SDK2: variants seen among roughly 807,000 people sequenced by gnomAD.
The protein encoded by SDK2 is sidekick cell adhesion molecule 2.
Under a neutral mutation model 253.9 loss-of-function variants are expected in SDK2, and 105 were observed. The observed-to-expected ratio is 0.41, with a 90% CI of 0.35 to 0.49. The LOEUF is 0.49. Ranked by LOEUF, SDK2 falls within the 20% of genes least tolerant of loss-of-function variation. SDK2 has a pLI of 0.06. For missense variants in SDK2, 2,608 were observed against 3,003.0 expected (o/e 0.87, Z 3.07); for synonymous variants, 1,249 against 1,234.9 (o/e 1.01, Z -0.24).
At chr17:73,555,119 A>G (rs1277829877) in intron 1 of SDK2, among the ~76,000 whole-genome samples, 2 of 152,246 alleles carry the variant, frequency 1.3e-5, no homozygotes, top group African/African-American at 4.8e-5. Flanking sequence ...GTCTAGCTGC[A>G]TATGCAGCCC....
Position 73,590,894 on chromosome 17 carries a change from G to A in SDK2, c.64+53131C>T, listed in dbSNP as rs182052598. ...AGGCGGACATCTTATCCAGCTAGCT[G>A]TCATTGAACTATTTATTTGTTTATG... is the stretch of plus-strand genomic sequence containing the variant. On this transcript the variant is annotated intron_variant, in intron 1 of 44. Transcript: ENST00000392650. Among the ~76,000 whole-genome samples, 12 of 152,272 alleles carry A rather than the reference G, an allele frequency of 7.9e-5. 1 individual carries two copies. Among genetic ancestry groups the A allele is most frequent in the African/African-American group, 2.4e-4 (10 of 41,548 alleles).
At chr17:73,401,779 C>G (rs1386335901) in intron 19 of SDK2, 27 bp from the exon 20 acceptor site, 3 of 1,549,456 alleles carry the variant, frequency 1.9e-6, no homozygotes, top group Non-Finnish European at 2.6e-6. Context: ...ACCCCCACCC[C>G]CCAAGGCCAG....
rs552767215 is a variant in SDK2, at chr17:73,344,836, C to T, written c.6165+3763G>A. Among the ~76,000 whole-genome samples, 17 of 152,284 alleles carry T rather than the reference C, an allele frequency of 1.1e-4. No homozygotes were observed. In the South Asian group the frequency reaches 2.5e-3, roughly 22 times the overall value. ...TCAGAGCCGTTCAGTAGAATGGTGACGGCAGAACATAACCCTGCTCCAGCC... is the reference window on the plus strand; with the variant it reads ...TCAGAGCCGTTCAGTAGAATGGTGATGGCAGAACATAACCCTGCTCCAGCC... On this transcript the variant is annotated intron_variant, in intron 44 of 44. Coordinates refer to ENST00000392650, the MANE Select transcript of SDK2 (RefSeq NM_001144952.2).
rs551170236 is a variant in SDK2, at chr17:73,490,062, C to T, written c.224+17376G>A. Among the ~76,000 whole-genome samples the T allele has an allele frequency of 5.9e-5, 9 of 152,230 alleles. No individual in the cohort carries two copies. In the South Asian group the frequency reaches 1.0e-3, roughly 18 times the overall value. On this transcript the variant is annotated intron_variant, in intron 2 of 44. Transcript: ENST00000392650. ...CAGCAGACTTCTTACACCACCACCC[C>T]GGGCCTTCCTCCACGACTGAGCACC...
chr17:73,368,304 G>T, intron 37 of SDK2, 103 bp downstream of exon 37: 1 of 1,089,186 alleles, frequency 9.2e-7, no homozygotes, highest in Non-Finnish European at 1.2e-6. Context: ...GGCGGATAAG[G>T]CAGCTGCCCC....
At position 73,393,540 on chromosome 17, in the gene SDK2, T is replaced by C. The variant is rs753403022; in HGVS notation, c.3898+20A>G. On this transcript the variant is annotated intron_variant, in intron 27 of 44. Coordinates refer to ENST00000392650, the MANE Select transcript of SDK2 (RefSeq NM_001144952.2). ...CGGCTCCTCCCAGCCTTCCCCAAGC[T>C]TGCTGGGATACGGACTCACCATCAT... 1 of 1,510,644 alleles carries C rather than the reference T, an allele frequency of 6.6e-7. No homozygotes were observed. 93.6% of individuals were successfully genotyped at this position (1,510,644 alleles called of 1,614,324 possible).
intron 1 of SDK2, among the ~76,000 whole-genome samples, chr17:73,540,080 CA>C: frequency 1.3e-5 from 2 of 151,782 alleles, no homozygotes; most frequent in South Asian, 4.2e-4. Context: ...CGGGGTCATG[CA>C]GCTGTGAGCC....
At chr17:73,453,341 T>C (rs923370015) in intron 4 of SDK2, among the ~76,000 whole-genome samples, 9 of 151,436 alleles carry the variant, frequency 5.9e-5, no homozygotes, top group Admixed American at 2.6e-4. Context: ...GAAAAAGAAA[T>C]GTGTATTGCT....
At chr17:73,548,702 C>T (rs546200872) in intron 1 of SDK2, among the ~76,000 whole-genome samples, 1 of 152,230 alleles carries the variant, frequency 6.6e-6, no homozygotes, top group African/African-American at 2.4e-5. Context: ...AGGAAATGAC[C>T]TTGGGCACTG....
intron 1 of SDK2, among the ~76,000 whole-genome samples, chr17:73,597,345 C>A (rs1449527329): frequency 6.6e-6 from 1 of 152,110 alleles, no homozygotes; most frequent in African/African-American, 2.4e-5. Flanking sequence ...AAGTCTCAGC[C>A]CTGCCAGGTA....
At chr17:73,487,568 C>T (rs1599612757) in intron 2 of SDK2, among the ~76,000 whole-genome samples, 2 of 152,220 alleles carry the variant, frequency 1.3e-5, no homozygotes, top group Admixed American at 6.5e-5. Flanking sequence ...GCCACAGGAG[C>T]GTCACCTGGG....
intron 18 of SDK2, among the ~76,000 whole-genome samples, chr17:73,409,412 C>T (rs9907066): frequency 0.33 from 49,927 of 151,452 alleles, 9,238 homozygotes; most frequent in East Asian, 0.69. Context: ...GCCCAGGAGG[C>T]GGAGGTTGCA....
chr17:73,395,136 G>C lies in SDK2; in HGVS notation c.3592+19C>G. 1 of 1,556,888 alleles carries C rather than the reference G, an allele frequency of 6.4e-7. No homozygotes were observed. The highest frequency in any genetic ancestry group is 2.0e-4 in the Middle Eastern group (1 of 5,022). The stretch of plus-strand genomic sequence containing the variant: ...GGAGGGGACAGGCAGCAGGGTGGCT[G>C]GGTGTGAGGGGTTGGTACCTGACTC... On this transcript the variant is annotated intron_variant, in intron 25 of 44. Coordinates refer to ENST00000392650, the MANE Select transcript of SDK2 (RefSeq NM_001144952.2). The surrounding 1 kb of genome is among the most constrained non-coding windows in gnomAD (Gnocchi z 4.3).
At position 73,352,527 on chromosome 17, in the gene SDK2, C is replaced by T. The variant is rs2062548039; in HGVS notation, c.5704G>A (p.Ala1902Thr). The T allele has an allele frequency of 6.2e-7, 1 of 1,613,972 alleles. No homozygotes were observed. ...PGVSYDFRVI[A>T]VNDYGFGTPS... is the part of the protein sequence containing the mutation. ...GTGCCGAAACCATAGTCGTTGACCGCGATGACCCGGAAGTCATAGCTCACG... is the reference window on the plus strand; with the variant it reads ...GTGCCGAAACCATAGTCGTTGACCGTGATGACCCGGAAGTCATAGCTCACG... The change falls in exon 41 of 45, where the codon GCG (alanine) becomes ACG (threonine). Residue 1902 changes from alanine to threonine, a missense_variant. Coordinates refer to ENST00000392650, the MANE Select transcript of SDK2 (RefSeq NM_001144952.2). This position sits in a 1 kb window ranked among gnomAD's most constrained non-coding sequence, Gnocchi z 4.1.
chr17:73,367,877 C>T (rs1179124065), intron 37 of SDK2, among the ~76,000 whole-genome samples: 2 of 152,170 alleles, frequency 1.3e-5, no homozygotes, highest in African/African-American at 4.8e-5. Flanking sequence ...CAGAGCCATC[C>T]ACCCACTCCT....
chr17:73,415,972 G>A lies in SDK2; in HGVS notation c.2207C>T (p.Pro736Leu), dbSNP rs1240806850. The change falls in exon 17 of 45, where the codon CCC (proline) becomes CTC (leucine). Residue 736 changes from proline to leucine, a missense_variant. Physicochemically the swap from Pro to Leu is moderately conservative, Grantham distance 98 (BLOSUM62 -3). Coordinates refer to ENST00000392650, the MANE Select transcript of SDK2 (RefSeq NM_001144952.2). The stretch of plus-strand genomic sequence containing the variant: ...GATGTTCTTAAACTGGTACCCCACG[G>A]GCAGCCCGGCCAGGCAGTACCTGAG... ...YIIRYCLAGL[P>L]VGYQFKNITD... 2 of 1,611,046 alleles carry A rather than the reference G, an allele frequency of 1.2e-6. No individual in the cohort carries two copies. Among genetic ancestry groups the A allele is most frequent in the Middle Eastern group, 1.7e-4 (1 of 6,060 alleles).
chr17:73,619,397 C>G (rs991434748), intron 1 of SDK2, among the ~76,000 whole-genome samples: 2 of 152,158 alleles, frequency 1.3e-5, no homozygotes, highest in African/African-American at 4.8e-5. Flanking sequence ...ACCATAAGGA[C>G]AGACACAGAG....
At chr17:73,412,049 TATAC>T (rs2063137062) in intron 18 of SDK2, among the ~76,000 whole-genome samples, 3 of 4,540 alleles carry the variant, frequency 6.6e-4, no homozygotes, top group Non-Finnish European at 1.2e-3. Context: ...TATATATGTA[TATAC>T]GTATATGTAT....
chr17:73,492,659 C>G (rs1161714953), intron 2 of SDK2, among the ~76,000 whole-genome samples: 1 of 152,116 alleles, frequency 6.6e-6, no homozygotes, highest in Non-Finnish European at 1.5e-5. Context: ...TCTGCCATCC[C>G]AGCGGACTTG....
Sources: gnomAD v4.1 joint callset for allele counts (sites outside exome capture counted in the v4.1 genomes callset) on GRCh38, gnomAD v4.1.1 for gene constraint, Gnocchi (gnomAD v3.1) non-coding constraint, MANE v1.5 for transcripts, NCBI Gene and HGNC (gene_info 2026-07-23, HGNC 2026-07-21) for gene names.